Variants in EIF2A observed in about 807,000 individuals in gnomAD.
EIF2A encodes the protein 65 kDa eukaryotic translation initiation factor 2A.
In EIF2A, 62 loss-of-function variants were observed where a neutral mutation model predicts 75.2. The ratio of observed to expected loss-of-function variants is 0.82; its 90% CI spans 0.67 to 1.02. The LOEUF (loss-of-function observed/expected upper bound fraction) is 1.02. Among genes scored for constraint, EIF2A ranks in the 50% least tolerant of loss-of-function variants. The pLI is 0.00. For synonymous variants in EIF2A, 207 were observed against 239.0 expected, an observed-to-expected ratio of 0.87 and a Z score of 1.23; for missense variants, 611 against 677.7, an observed-to-expected ratio of 0.90 and a Z score of 1.09.
At chr3:150,568,718 C>T (rs1290280755) in intron 9 of EIF2A, among the ~76,000 whole-genome samples, 1 of 151,938 alleles carries the variant, frequency 6.6e-6, no homozygotes, top group African/African-American at 2.4e-5. Context: ...GAGTTCAAGA[C>T]CAGCCTGATC....
chr3:150,551,442 T>A (rs1723309585), intron 1 of EIF2A, among the ~76,000 whole-genome samples: 1 of 152,048 alleles, frequency 6.6e-6, no homozygotes, highest in Non-Finnish European at 1.5e-5. Context: ...TTTAAAAAAG[T>A]ATAGTCTAGG....
chr3:150,556,129 C>T (rs1431706136), intron 2 of EIF2A, among the ~76,000 whole-genome samples: 1 of 152,066 alleles, frequency 6.6e-6, no homozygotes, highest in African/African-American at 2.4e-5. Flanking sequence ...CAACCAGTGG[C>T]GTTAGGAGAT....
chr3:150,581,887 A>G, intron 12 of EIF2A, 141 bp downstream of exon 12: 2 of 980,862 alleles, frequency 2.0e-6, no homozygotes, highest in Non-Finnish European at 3.0e-6. Context: ...ACTATGAAGC[A>G]CTGTTCACTT....
At chr3:150,564,831 T>A in intron 6 of EIF2A, 1 of 188,494 alleles carries the variant, frequency 5.3e-6, no homozygotes, top group Admixed American at 5.7e-5. Flanking sequence ...GTTAAATATG[T>A]AATTGTAAAT....
chr3:150,559,283 A>T (rs908850185), intron 3 of EIF2A, among the ~76,000 whole-genome samples: 1 of 152,224 alleles, frequency 6.6e-6, no homozygotes, highest in African/African-American at 2.4e-5. Context: ...ATGTTGAATT[A>T]GTTGATTCAC....
rs970327431 is a variant in EIF2A at position 150,585,294 on chromosome 3, T to G, written c.*1383T>G. 2 of 152,260 alleles carry G rather than the reference T, an allele frequency of 1.3e-5. No individual in the cohort carries two copies. The highest frequency in any genetic ancestry group is 4.8e-5 in the African/African-American group (2 of 41,402). 9.4% of individuals were successfully genotyped at this position (152,260 alleles called of 1,614,324 possible). A position where few individuals can be genotyped will look rare whatever the true frequency, so the allele number is the denominator to read the frequency against. On this transcript the variant is annotated 3_prime_UTR_variant, in exon 14 of 14. Transcript: ENST00000460851. ...CAGCACCTTGGGAGGCCAAGGTGGG[T>G]GGATCACCTGAGGTCAGGAGTTCAA...
intron 4 of EIF2A, 56 bp from the exon 5 acceptor site, chr3:150,563,459 T>TAATGTA: frequency 7.3e-7 from 1 of 1,366,502 alleles, no homozygotes. Flanking sequence ...ATAAGAAAAA[T>TAATGTA]AATCCCTTTA....
Position 150,567,891 on chromosome 3 carries a change from A to T in EIF2A, c.550-11A>T. Reference sequence around the variant, plus strand: ...AAAAATTAAGTAATGATTTATGTCTATGTATCTTAGGTGGCTGTCTATGTT... The same window carrying T: ...AAAAATTAAGTAATGATTTATGTCTTTGTATCTTAGGTGGCTGTCTATGTT... On this transcript the variant is annotated splice_polypyrimidine_tract_variant and intron_variant, in intron 7 of 13. Transcript: ENST00000460851. 1 of 1,593,984 alleles carries T rather than the reference A, an allele frequency of 6.3e-7. No individual in the cohort carries two copies. The highest frequency in any genetic ancestry group is 1.7e-4 in the Middle Eastern group (1 of 5,928).
chr3:150,572,310 A>C lies in EIF2A; in HGVS notation c.1164A>C (p.Lys388Asn). ...GGTTACGGGTTAATAATGGATACAAAATTTGGCATTATACTGGCTCTATCT... is the reference window on the plus strand; with the variant it reads ...GGTTACGGGTTAATAATGGATACAACATTTGGCATTATACTGGCTCTATCT... ...APRLRVNNGY[K>N]IWHYTGSILH... Residue 388 changes from lysine to asparagine, a missense_variant, in exon 10 of 14, where the codon AAA (lysine) becomes AAC (asparagine). Physicochemically the swap from Lys to Asn is moderately conservative, Grantham distance 94. Coordinates refer to ENST00000460851, the MANE Select transcript of EIF2A (RefSeq NM_032025.5). The C allele has an allele frequency of 5.6e-6, 9 of 1,614,010 alleles. No homozygotes were observed. Among genetic ancestry groups the C allele is most frequent in the Non-Finnish European group, 5.9e-6 (7 of 1,179,888 alleles).
intron 11 of EIF2A, 147 bp from the exon 12 acceptor site, chr3:150,581,471 A>C (rs1725172193): frequency 9.5e-7 from 1 of 1,050,180 alleles, no homozygotes. Context: ...AGCATACTTC[A>C]TGAGACCTTT....
At position 150,558,465 on chromosome 3, in the gene EIF2A, T is replaced by C. The variant is rs376472201; in HGVS notation, c.173+3T>C. ...TTTGCCTGGGGCAATGGAGAAAAGT[T>C]AGTGTTCATTTACATAACATATTTT... On this transcript the variant is annotated splice_donor_region_variant and intron_variant, in intron 3 of 13. Coordinates refer to ENST00000460851, the MANE Select transcript of EIF2A (RefSeq NM_032025.5). The C allele has an allele frequency of 6.7e-7, 1 of 1,495,668 alleles. No homozygotes were observed. Among genetic ancestry groups the C allele is most frequent in the Non-Finnish European group, 8.8e-7 (1 of 1,130,802 alleles). The allele number at this position is 1,495,668 out of a possible 1,614,324, so 92.6% of individuals were successfully genotyped here.
intron 11 of EIF2A, among the ~76,000 whole-genome samples, chr3:150,579,702 CAAAA>C (rs66761185): frequency 7.5e-6 from 1 of 134,114 alleles, no homozygotes. Flanking sequence ...ACTCTGTCTC[CAAAA>C]AAAAAAAAAA....
At chr3:150,563,703 A>G (rs1282286966) in intron 5 of EIF2A, 89 bp downstream of exon 5, 1 of 1,041,824 alleles carries the variant, frequency 9.6e-7, no homozygotes, top group East Asian at 2.9e-5. Context: ...ATTGATTTAA[A>G]AAATAACTTA....
At chr3:150,549,533 T>G (rs1723215396) in intron 1 of EIF2A, among the ~76,000 whole-genome samples, 1 of 152,184 alleles carries the variant, frequency 6.6e-6, no homozygotes. Flanking sequence ...TCTGTTTTTC[T>G]TCATCTGTAG....
chr3:150,564,486 TAATC>T (rs1302483532), intron 6 of EIF2A, 105 bp downstream of exon 6: 13 of 770,884 alleles, frequency 1.7e-5, no homozygotes, highest in South Asian at 2.7e-5. Flanking sequence ...GTTAATCTAT[TAATC>T]AATAATTACT....
intron 11 of EIF2A, among the ~76,000 whole-genome samples, chr3:150,576,281 A>AT (rs1457384673): frequency 1.3e-5 from 2 of 151,806 alleles, no homozygotes; most frequent in African/African-American, 2.4e-5. Flanking sequence ...TCTATGAAAA[A>AT]TTTTTTGCTG....
chr3:150,547,127 C>T (rs1723075309), intron 1 of EIF2A: 1 of 471,634 alleles, frequency 2.1e-6, no homozygotes, highest in Non-Finnish European at 3.9e-6. Flanking sequence ...ATTTGTGACA[C>T]ATGGGTCTGC....
chr3:150,568,130 A>G (rs374369665), intron 8 of EIF2A, 46 bp from the exon 9 acceptor site: 47 of 1,602,570 alleles, frequency 2.9e-5, no homozygotes, highest in African/African-American at 4.0e-5. Flanking sequence ...AGAAGAATCA[A>G]TGCCCATTTG....
chr3:150,568,410 C>T (rs1241396764), intron 9 of EIF2A, 118 bp downstream of exon 9: 3 of 791,488 alleles, frequency 3.8e-6, no homozygotes, highest in East Asian at 6.3e-5. Context: ...GCCTTAATAA[C>T]CTTTAAGATA....
Sources: allele counts gnomAD v4.1 joint callset (sites outside exome capture counted in the v4.1 genomes callset), GRCh38; gene constraint gnomAD v4.1.1; transcripts MANE v1.5; gene names NCBI Gene and HGNC (gene_info 2026-07-23, HGNC 2026-07-21).